Variants in FREM1 observed in about 807,000 individuals in gnomAD.
The protein encoded by FREM1 is FRAS1 related extracellular matrix 1.
A neutral mutation model predicts 210.1 loss-of-function variants in FREM1; 220 were observed. The ratio of observed to expected loss-of-function variants is 1.05; its 90% CI spans 0.94 to 1.17. The LOEUF (loss-of-function observed/expected upper bound fraction) is 1.17, where lower values mean the gene tolerates loss of function less well. Among genes scored for constraint, FREM1 ranks in the 50% most tolerant of loss-of-function variants. The probability of loss-of-function intolerance (pLI) is 0.00; values close to 1 mark genes in which losing one functional copy is unlikely to be tolerated. For missense variants in FREM1, 3,454 were observed against 2,675.5 expected (o/e 1.29, Z -6.42); for synonymous variants, 1,189 against 980.2 (o/e 1.21, Z -3.98).
intron 19 of FREM1, among the ~76,000 whole-genome samples, chr9:14,803,267 TTCCC>T (rs1817672004): frequency 7.4e-6 from 1 of 135,278 alleles, no homozygotes. Flanking sequence ...CTCTCTTTCT[TTCCC>T]TCCCTCCCTT....
rs1012465943 is a variant in FREM1, at chr9:14,846,085, C to T, written c.1268G>A (p.Ser423Asn). The T allele has an allele frequency of 1.3e-6, 2 of 1,573,018 alleles. No homozygotes were observed. Among genetic ancestry groups the T allele is most frequent in the African/African-American group, 2.7e-5 (2 of 73,922 alleles). Residue 423 changes from serine (S) to asparagine (N), a missense_variant, in exon 8 of 37, where the codon AGT (serine) becomes AAT (asparagine). Coordinates refer to ENST00000380880, the MANE Select transcript of FREM1 (RefSeq NM_001379081.2). ...APRVSWNTGLSLLEGQSRAIT... is the reference protein window; with the variant it reads ...APRVSWNTGLNLLEGQSRAIT... ...GGCTCGAGACTGCCCCTCAAGGAGA[C>T]TCAGACCTATGAAAGAAAGGAGAAA...
intron 15 of FREM1, among the ~76,000 whole-genome samples, chr9:14,814,437 T>C (rs112138124): frequency 0.031 from 4,680 of 152,276 alleles, 212 homozygotes; most frequent in African/African-American, 0.1. Context: ...TGCAACTATG[T>C]ATATGTGTCC....
chr9:14,741,115 A>T (rs904488098), intron 35 of FREM1, among the ~76,000 whole-genome samples: 3 of 152,186 alleles, frequency 2.0e-5, no homozygotes, highest in Non-Finnish European at 2.9e-5. Context: ...TTAAAAAATA[A>T]TTTTAAACAC....
rs4741426 is a variant in FREM1, at chr9:14,747,414, A to C, written c.5859T>G (p.Val1953=). The part of the protein sequence containing the change: ...TDIIYNYHGI[V]SLKLEDDSFP... ...AACTGTCATCCTCCAGTTTCAAGGA[A>C]ACTATCCCATGATACTTGAGGAAAC... Residue 1953 remains valine (V), a synonymous_variant, in exon 33 of 37, where the codon GTT becomes GTG. Transcript: ENST00000380880. The C allele has an allele frequency of 1.2e-6, 2 of 1,613,118 alleles. No homozygotes were observed. Among genetic ancestry groups the C allele is most frequent in the Non-Finnish European group, 1.7e-6 (2 of 1,179,386 alleles).
At chr9:14,811,661 C>T (rs921476470) in intron 16 of FREM1, among the ~76,000 whole-genome samples, 10 of 152,292 alleles carry the variant, frequency 6.6e-5, no homozygotes, top group African/African-American at 2.2e-4. Context: ...TGTCCCGAGA[C>T]ATCTGGTGTT....
intron 1 of FREM1, among the ~76,000 whole-genome samples, chr9:14,904,471 G>T (rs1366357389): frequency 6.6e-6 from 1 of 152,102 alleles, no homozygotes; most frequent in Non-Finnish European, 1.5e-5. Context: ...GCAAAATTGT[G>T]TAACTCTACA....
chr9:14,885,504 C>G (rs575582288), intron 1 of FREM1, among the ~76,000 whole-genome samples: 1 of 152,190 alleles, frequency 6.6e-6, no homozygotes, highest in South Asian at 2.1e-4. Context: ...ACTGCAGCCT[C>G]CAATTCCTGG....
chr9:14,753,929 A>G (rs1188007006), intron 29 of FREM1, among the ~76,000 whole-genome samples: 1 of 152,230 alleles, frequency 6.6e-6, no homozygotes, highest in Non-Finnish European at 1.5e-5. Flanking sequence ...CTAAAATCAT[A>G]AGATTATTTA....
intron 24 of FREM1, among the ~76,000 whole-genome samples, chr9:14,783,789 G>A (rs528771046): frequency 7.8e-4 from 119 of 152,244 alleles, no homozygotes; most frequent in African/African-American, 2.4e-3. Context: ...GAACAGGTGC[G>A]CAGCCCCCAA....
intron 13 of FREM1, among the ~76,000 whole-genome samples, chr9:14,822,531 T>C (rs1821561717): frequency 6.6e-6 from 1 of 152,126 alleles, no homozygotes; most frequent in Non-Finnish European, 1.5e-5. Context: ...ATAAGAATAA[T>C]AATGACCATA....
rs545742838 is a variant in FREM1, at chr9:14,776,104, C to G, written c.4542G>C (p.Gly1514=). 6.2e-6 allele frequency: 10 copies of G among 1,604,594 alleles called. No individual in the cohort carries two copies. Among genetic ancestry groups the G allele is most frequent in the East Asian group, 4.5e-5 (2 of 44,728 alleles). The change falls in exon 25 of 37, where the codon GGG becomes GGC. Residue 1514 remains glycine, a synonymous_variant. Coordinates refer to ENST00000380880, the MANE Select transcript of FREM1 (RefSeq NM_001379081.2). The stretch of plus-strand genomic sequence containing the variant: ...CCACGGCCCCTTGGGCCAGTCTCAA[C>G]CCCTTGTTCCTGGTTACCACAGGCA... ...RALPVVTRNK[G]LRLAQGAVGL...
At chr9:14,831,533 T>A (rs1823555927) in intron 10 of FREM1, among the ~76,000 whole-genome samples, 1 of 152,236 alleles carries the variant, frequency 6.6e-6, no homozygotes. Context: ...CCTACATTCC[T>A]TTAAGGCACC....
chr9:14,848,797 A>G, intron 6 of FREM1, 24 bp from the exon 7 acceptor site: 1 of 1,405,934 alleles, frequency 7.1e-7, no homozygotes, highest in South Asian at 1.2e-5. Context: ...GAGGCAAAGG[A>G]GCCACACACT....
chr9:14,744,806 T>C (rs974214565), intron 35 of FREM1, among the ~76,000 whole-genome samples: 6 of 152,200 alleles, frequency 3.9e-5, no homozygotes, highest in African/African-American at 1.4e-4. Flanking sequence ...TATAACTTTA[T>C]AAGAAACTGT....
At chr9:14,768,117 G>A (rs1157720120) in intron 27 of FREM1, among the ~76,000 whole-genome samples, 1 of 152,128 alleles carries the variant, frequency 6.6e-6, no homozygotes. Flanking sequence ...AAGGGGCTAT[G>A]GGTGAAGCAG....
intron 3 of FREM1, 38 bp downstream of exon 3, chr9:14,863,771 A>T: frequency 8.1e-7 from 1 of 1,238,032 alleles, no homozygotes; most frequent in Non-Finnish European, 1.2e-6. Flanking sequence ...CAGAATGGTT[A>T]CTTGGCAGCA....
intron 13 of FREM1, among the ~76,000 whole-genome samples, chr9:14,822,853 C>T (rs189176349): frequency 2.6e-5 from 4 of 152,176 alleles, no homozygotes; most frequent in Non-Finnish European, 4.4e-5. Context: ...TAATTTAATC[C>T]CCTTCCCTTG....
chr9:14,879,358 G>C (rs1362469849), intron 1 of FREM1, among the ~76,000 whole-genome samples: 2 of 152,040 alleles, frequency 1.3e-5, no homozygotes, highest in East Asian at 1.9e-4. Flanking sequence ...CACACCATGA[G>C]ACTTCCTGAT....
At chr9:14,778,765 A>T (rs1849148742) in intron 24 of FREM1, among the ~76,000 whole-genome samples, 2 of 92,002 alleles carry the variant, frequency 2.2e-5, no homozygotes, top group Admixed American at 2.3e-4. Context: ...AAAGGAAGTC[A>T]GGCGCGGTAG....
Sources: allele counts gnomAD v4.1 joint callset (sites outside exome capture counted in the v4.1 genomes callset), GRCh38; gene constraint gnomAD v4.1.1; transcripts MANE v1.5; gene names NCBI Gene and HGNC (gene_info 2026-07-23, HGNC 2026-07-21).